Variants in NTRK2 observed in about 807,000 individuals in gnomAD.
NTRK2 encodes the protein neurotrophic receptor tyrosine kinase 2.
A neutral mutation model predicts 94.5 loss-of-function variants in NTRK2; 13 were observed. The observed-to-expected ratio is 0.14, with a 90% CI of 0.09 to 0.22. The LOEUF (loss-of-function observed/expected upper bound fraction) is 0.22, where lower values mean the gene tolerates loss of function less well. NTRK2 is among the 10% of genes least tolerant of loss of function. NTRK2 has a pLI of 1.00. For synonymous variants in NTRK2, 372 were observed against 407.4 expected (o/e 0.91, Z 1.05); for missense variants, 639 against 1,071.2 (o/e 0.60, Z 5.63).
intron 12 of NTRK2, among the ~76,000 whole-genome samples, chr9:84,772,485 C>A (rs373528431): frequency 1.3e-5 from 2 of 152,134 alleles, no homozygotes; most frequent in Admixed American, 6.5e-5. Context: ...TGGCCTTAAG[C>A]AATCTGCCCA....
intron 6 of NTRK2, among the ~76,000 whole-genome samples, chr9:84,711,547 G>A (rs889258826): frequency 6.6e-5 from 10 of 152,050 alleles, no homozygotes; most frequent in Non-Finnish European, 1.2e-4. Context: ...CATTTGAATC[G>A]GTTAGTCAAC....
At chr9:84,731,790 G>T (rs373329177) in intron 9 of NTRK2, among the ~76,000 whole-genome samples, 11 of 152,152 alleles carry the variant, frequency 7.2e-5, no homozygotes, top group Non-Finnish European at 1.6e-4. Flanking sequence ...GGCATTAAAA[G>T]AGAGCGGCCC....
chr9:84,948,027 T>G (rs1237835260), intron 15 of NTRK2, among the ~76,000 whole-genome samples: 3 of 152,222 alleles, frequency 2.0e-5, no homozygotes, highest in Admixed American at 2.0e-4. Context: ...AACTGATCGT[T>G]GCTGAAGCTG....
At chr9:84,785,735 T>C (rs190637921) in intron 12 of NTRK2, among the ~76,000 whole-genome samples, 1 of 152,352 alleles carries the variant, frequency 6.6e-6, no homozygotes, top group Non-Finnish European at 1.5e-5. Flanking sequence ...ACCTTATTTC[T>C]TCCTATGAGA....
At chr9:84,893,867 C>T (rs1587848953) in intron 14 of NTRK2, among the ~76,000 whole-genome samples, 2 of 152,174 alleles carry the variant, frequency 1.3e-5, no homozygotes, top group African/African-American at 4.8e-5. Context: ...TTTTCCACAC[C>T]TACAGAGTTC....
chr9:84,925,254 A>C, intron 14 of NTRK2, among the ~76,000 whole-genome samples: 1 of 147,448 alleles, frequency 6.8e-6, no homozygotes, highest in Non-Finnish European at 1.5e-5. Context: ...ATTCCTCTTA[A>C]CTTACAAATA....
intron 12 of NTRK2, among the ~76,000 whole-genome samples, chr9:84,859,915 G>A (rs2075251095): frequency 6.6e-6 from 1 of 152,172 alleles, no homozygotes; most frequent in Non-Finnish European, 1.5e-5. Flanking sequence ...AACCTAGAAG[G>A]AAGCTTTCAG....
At chr9:84,765,968 T>A (rs889803421) in intron 12 of NTRK2, among the ~76,000 whole-genome samples, 6 of 152,136 alleles carry the variant, frequency 3.9e-5, no homozygotes, top group Non-Finnish European at 5.9e-5. Context: ...TTAAAAAGAC[T>A]ATTGGGTAGG....
chr9:84,823,232 C>A (rs1228966270), intron 12 of NTRK2, among the ~76,000 whole-genome samples: 2 of 152,068 alleles, frequency 1.3e-5, no homozygotes, highest in Admixed American at 1.3e-4. Context: ...TTGTTTTTCT[C>A]GCCTACATAC....
chr9:84,886,166 T>A (rs968541445), intron 14 of NTRK2, among the ~76,000 whole-genome samples: 10 of 152,170 alleles, frequency 6.6e-5, no homozygotes, highest in African/African-American at 2.4e-4. Context: ...AGTATAAATA[T>A]ATGTGACCAA....
chr9:84,808,703 A>G (rs2071408275), intron 12 of NTRK2, among the ~76,000 whole-genome samples: 1 of 152,192 alleles, frequency 6.6e-6, no homozygotes, highest in South Asian at 2.1e-4. Flanking sequence ...GTACTTCCTA[A>G]ATTCTTAGGG....
chr9:84,687,361 A>C (rs192179321), intron 2 of NTRK2, among the ~76,000 whole-genome samples: 5 of 152,362 alleles, frequency 3.3e-5, no homozygotes, highest in African/African-American at 1.2e-4. Context: ...TCTCATTTGC[A>C]CAAATCTTTC....
chr9:84,772,298 A>G (rs186755921), intron 12 of NTRK2, among the ~76,000 whole-genome samples: 1 of 152,122 alleles, frequency 6.6e-6, no homozygotes, highest in Non-Finnish European at 1.5e-5. Flanking sequence ...GTCATCACCC[A>G]GGCTGGACTG....
intron 17 of NTRK2, among the ~76,000 whole-genome samples, chr9:84,970,645 C>A (rs564265571): frequency 6.6e-6 from 1 of 152,140 alleles, no homozygotes. Context: ...GTGAATTCAG[C>A]CCACATTACT....
At chr9:84,988,264 G>A (rs1828592963) in intron 17 of NTRK2, among the ~76,000 whole-genome samples, 2 of 152,152 alleles carry the variant, frequency 1.3e-5, no homozygotes. Flanking sequence ...TGGCTGGAGG[G>A]AGAGAGAGAG....
At chr9:84,952,848 G>A (rs537098233) in intron 16 of NTRK2, among the ~76,000 whole-genome samples, 1 of 152,308 alleles carries the variant, frequency 6.6e-6, no homozygotes, top group South Asian at 2.1e-4. Context: ...TTTGTGCAGA[G>A]GTGGCCTTTT....
At chr9:84,799,462 T>C (rs2070113830) in intron 12 of NTRK2, among the ~76,000 whole-genome samples, 1 of 152,230 alleles carries the variant, frequency 6.6e-6, no homozygotes, top group Non-Finnish European at 1.5e-5. Flanking sequence ...CAGATGGTTA[T>C]TTCAGCTCTA....
intron 17 of NTRK2, among the ~76,000 whole-genome samples, chr9:85,004,395 A>G (rs1217816635): frequency 1.3e-5 from 2 of 152,216 alleles, no homozygotes; most frequent in Non-Finnish European, 2.9e-5. Context: ...AGGGATAAAG[A>G]GAATTACAAT....
chr9:84,853,238 T>C (rs930065203), intron 12 of NTRK2, among the ~76,000 whole-genome samples: 2 of 152,332 alleles, frequency 1.3e-5, no homozygotes, highest in African/African-American at 4.8e-5. Flanking sequence ...AGAACTTGAA[T>C]AGGCCTCAGA....
Sources: gnomAD v4.1 joint callset for allele counts (sites outside exome capture counted in the v4.1 genomes callset) on GRCh38, gnomAD v4.1.1 for gene constraint, MANE v1.5 for transcripts, NCBI Gene and HGNC (gene_info 2026-07-23, HGNC 2026-07-21) for gene names.